Variants in CELSR1 observed in about 807,000 individuals in gnomAD.
CELSR1 encodes the protein cadherin EGF LAG seven-pass G-type receptor 1, also known as adhesion G protein-coupled receptor C1.
A neutral mutation model predicts 249.1 loss-of-function variants in CELSR1; 110 were observed. That is an observed-to-expected ratio of 0.44 (90% CI 0.38 to 0.52). The LOEUF is 0.52. Among genes scored for constraint, CELSR1 ranks in the 20% least tolerant of loss-of-function variants. CELSR1 has a pLI of 0.00. For missense variants in CELSR1, 4,109 were observed against 4,296.4 expected (o/e 0.96, Z 1.22); for synonymous variants, 2,113 against 1,900.0 (o/e 1.11, Z -2.92).
At chr22:46,370,220 G>C in intron 25 of CELSR1, 4 of 446,294 alleles carry the variant, frequency 9.0e-6, no homozygotes, top group Non-Finnish European at 1.4e-5. Context: ...CTCCAAAACA[G>C]ATGGAGGACG....
rs763288158 is a variant in CELSR1, at chr22:46,399,637, G to T, written c.5412+80C>A. 2 of 1,436,300 alleles carry T rather than the reference G, an allele frequency of 1.4e-6. No individual in the cohort carries two copies. The highest frequency in any genetic ancestry group is 4.6e-5 in the East Asian group (2 of 43,916). The allele number at this position is 1,436,300 out of a possible 1,614,324, so 89.0% of individuals were successfully genotyped here. A position where few individuals can be genotyped will look rare whatever the true frequency, so the allele number is the denominator to read the frequency against. ...ATCCACAAGGTCTCTGGTGGGTCCTGGCACGTCAAGGGGTCATTCTGTTTT... is the reference window on the plus strand; with the variant it reads ...ATCCACAAGGTCTCTGGTGGGTCCTTGCACGTCAAGGGGTCATTCTGTTTT... On this transcript the variant is annotated intron_variant, in intron 10 of 34. Coordinates refer to ENST00000674500, the MANE Select transcript of CELSR1 (RefSeq NM_001378328.1). The surrounding 1 kb of genome is among the most constrained non-coding windows in gnomAD (Gnocchi z 5.0).
chr22:46,439,549 G>C (rs1167134229), intron 2 of CELSR1, 138 bp from the exon 3 acceptor site: 1 of 681,242 alleles, frequency 1.5e-6, no homozygotes, highest in Non-Finnish European at 2.5e-6. Flanking sequence ...TCCAGGACAG[G>C]TCTGTGACAT....
In CELSR1 at chr22:46,468,125, C is replaced by T. The variant is rs2080117022; in HGVS notation, c.3545-3780G>A. Among the ~76,000 whole-genome samples the T allele has an allele frequency of 6.6e-6, 1 of 151,932 alleles. No individual in the cohort carries two copies. The highest frequency in any genetic ancestry group is 2.4e-5 in the African/African-American group (1 of 41,366). On this transcript the variant is annotated intron_variant, in intron 1 of 34. Transcript: ENST00000674500. The surrounding 1 kb of genome is among the most constrained non-coding windows in gnomAD (Gnocchi z 4.5). Reference sequence around the variant, plus strand: ...TGGTCTGGCCAGGTGTGGTGGCTTACACCTGTAATCACAGCACTTTGGGAG... The same window carrying T: ...TGGTCTGGCCAGGTGTGGTGGCTTATACCTGTAATCACAGCACTTTGGGAG...
rs2080748885 is a variant in CELSR1, at chr22:46,527,406, T to C, written c.3544+6221A>G. 6.6e-6 allele frequency among the ~76,000 whole-genome samples: 1 copy of C among 152,136 alleles called. No individual in the cohort carries two copies. Among genetic ancestry groups the C allele is most frequent in the Non-Finnish European group, 1.5e-5 (1 of 68,018 alleles). ...CAAACCCTCCACAGTCAGCCCTCTC[T>C]CGACCCGGGGGATCCATCTGACTCC... On this transcript the variant is annotated intron_variant, in intron 1 of 34. Coordinates refer to ENST00000674500, the MANE Select transcript of CELSR1 (RefSeq NM_001378328.1). This position sits in a 1 kb window ranked among gnomAD's most constrained non-coding sequence, Gnocchi z 5.5.
intron 5 of CELSR1, among the ~76,000 whole-genome samples, chr22:46,420,056 A>G (rs1378208091): frequency 1.3e-5 from 2 of 149,034 alleles, no homozygotes; most frequent in East Asian, 4.1e-4. Context: ...ATGTGCACTC[A>G]CCCACACGTG....
intron 5 of CELSR1, among the ~76,000 whole-genome samples, chr22:46,421,579 CG>C (rs545041836): frequency 5.0e-4 from 76 of 152,336 alleles, no homozygotes; most frequent in African/African-American, 1.7e-3. Flanking sequence ...ATAGCAGCAT[CG>C]GGGCAGCCCC....
chr22:46,426,649 G>A (rs1400788398), intron 5 of CELSR1, among the ~76,000 whole-genome samples: 1 of 152,182 alleles, frequency 6.6e-6, no homozygotes, highest in African/African-American at 2.4e-5. Context: ...GTCCCCCAAA[G>A]TTCACGTGTT....
intron 1 of CELSR1, among the ~76,000 whole-genome samples, chr22:46,509,373 G>A (rs1447514344): frequency 6.6e-6 from 1 of 152,312 alleles, no homozygotes; most frequent in East Asian, 1.9e-4. Context: ...GCAGGGCAGG[G>A]TTGGGCCAAG....
At chr22:46,376,152 A>AT (rs1569113575) in intron 24 of CELSR1, among the ~76,000 whole-genome samples, 1 of 152,222 alleles carries the variant, frequency 6.6e-6, no homozygotes, top group African/African-American at 2.4e-5. Context: ...TTTCTTTCTA[A>AT]TCATTAATGA....
At chr22:46,501,199 A>ATTTT (rs57293109) in intron 1 of CELSR1, among the ~76,000 whole-genome samples, 8 of 108,540 alleles carry the variant, frequency 7.4e-5, no homozygotes, top group African/African-American at 2.0e-4. Context: ...TGCCCGGCTA[A>ATTTT]TTTTTTTTTT....
intron 33 of CELSR1, 93 bp downstream of exon 33, chr22:46,364,419 C>A: frequency 6.7e-7 from 1 of 1,502,092 alleles, no homozygotes; most frequent in Admixed American, 1.9e-5. Context: ...CTGACTTGCC[C>A]CACCAGCCCC....
At chr22:46,467,111 T>C (rs968097193) in intron 1 of CELSR1, among the ~76,000 whole-genome samples, 1 of 152,264 alleles carries the variant, frequency 6.6e-6, no homozygotes, top group Non-Finnish European at 1.5e-5. Context: ...GACTGACATA[T>C]ATTAATTCAA....
rs1287161583 is a variant in CELSR1, at chr22:46,527,138, C to G, written c.3544+6489G>C. ...GGATGGAGGTGGCGACGGTACTTTC[C>G]ATACCACAGTGTGGCGGCTGGAAAA... is the stretch of plus-strand genomic sequence containing the variant. On this transcript the variant is annotated intron_variant, in intron 1 of 34. Coordinates refer to ENST00000674500, the MANE Select transcript of CELSR1 (RefSeq NM_001378328.1). The surrounding 1 kb of genome is among the most constrained non-coding windows in gnomAD (Gnocchi z 5.5). Among the ~76,000 whole-genome samples the G allele has an allele frequency of 3.3e-5, 5 of 152,166 alleles. No individual in the cohort carries two copies.
intron 1 of CELSR1, among the ~76,000 whole-genome samples, chr22:46,514,994 G>A (rs2080612082): frequency 6.6e-6 from 1 of 152,124 alleles, no homozygotes; most frequent in African/African-American, 2.4e-5. Context: ...CAGCCCTCTT[G>A]GGCCCTGGCA....
intron 25 of CELSR1, among the ~76,000 whole-genome samples, chr22:46,371,310 A>AG (rs57553923): frequency 1 from 152,270 of 152,270 alleles, 76,135 homozygotes; most frequent in Non-Finnish European, 1. Flanking sequence ...CACTGGCCCC[A>AG]GGTGGCTGCT....
intron 2 of CELSR1, chr22:46,463,064 AAAGC>A (rs2080050587): frequency 6.1e-6 from 2 of 329,532 alleles, no homozygotes; most frequent in Non-Finnish European, 1.2e-5. Flanking sequence ...GGGCCACTTA[AAAGC>A]AACTCATGTC....
intron 27 of CELSR1, among the ~76,000 whole-genome samples, chr22:46,368,333 G>A (rs756446165): frequency 1.3e-4 from 20 of 152,070 alleles, no homozygotes; most frequent in Admixed American, 5.9e-4. Flanking sequence ...GAGTGAATCC[G>A]GGTGACAGAG....
Position 46,473,543 on chromosome 22 carries a change from G to A in CELSR1, c.3545-9198C>T, listed in dbSNP as rs1489276713. Among the ~76,000 whole-genome samples, 1 of 152,114 alleles carries A rather than the reference G, an allele frequency of 6.6e-6. No individual in the cohort carries two copies. Among genetic ancestry groups the A allele is most frequent in the Non-Finnish European group, 1.5e-5 (1 of 68,014 alleles). ...CCACCCCATGCACCAAAGCCTGGGGGGCTCCTCCACTCTCCCGTCACCAAC... is the reference window on the plus strand; with the variant it reads ...CCACCCCATGCACCAAAGCCTGGGGAGCTCCTCCACTCTCCCGTCACCAAC... On this transcript the variant is annotated intron_variant, in intron 1 of 34. Coordinates refer to ENST00000674500, the MANE Select transcript of CELSR1 (RefSeq NM_001378328.1). The surrounding 1 kb of genome is among the most constrained non-coding windows in gnomAD (Gnocchi z 6.6).
At chr22:46,497,305 C>T (rs543164162) in intron 1 of CELSR1, among the ~76,000 whole-genome samples, 85 of 152,340 alleles carry the variant, frequency 5.6e-4, no homozygotes, top group African/African-American at 2.0e-3. Context: ...CTGTGAATAA[C>T]AGCAATGTTA....
Sources: allele counts gnomAD v4.1 joint callset (sites outside exome capture counted in the v4.1 genomes callset), GRCh38; gene constraint gnomAD v4.1.1; non-coding constraint Gnocchi (gnomAD v3.1); transcripts MANE v1.5; gene names NCBI Gene and HGNC (gene_info 2026-07-23, HGNC 2026-07-21).